Variants in CPNE1 observed in about 807,000 individuals in gnomAD.
CPNE1 encodes copine-1.
A neutral mutation model predicts 63.2 loss-of-function variants in CPNE1; 58 were observed. That is an observed-to-expected ratio of 0.92 (90% CI 0.74 to 1.14). The LOEUF (loss-of-function observed/expected upper bound fraction) is 1.14. CPNE1 is among the 50% of genes most tolerant of loss of function. The pLI, the probability that CPNE1 is intolerant of heterozygous loss-of-function variation, is 0.00. For missense variants in CPNE1, 672 were observed against 661.7 expected, an observed-to-expected ratio of 1.02 and a Z score of -0.17; for synonymous variants, 237 against 249.0, an observed-to-expected ratio of 0.95 and a Z score of 0.45.
chr20:35,658,932 G>C (rs2034073809), intron 1 of CPNE1: 1 of 716,058 alleles, frequency 1.4e-6, no homozygotes, highest in Admixed American at 2.0e-5. Context: ...TCTCTTACCT[G>C]ATAAAACAAG....
chr20:35,658,892 T>G, intron 1 of CPNE1: 1 of 710,198 alleles, frequency 1.4e-6, no homozygotes, highest in South Asian at 1.5e-5. Context: ...CTCATTTTAT[T>G]TTGTATAAAA....
chr20:35,661,480 G>C (rs771570059), intron 1 of CPNE1, among the ~76,000 whole-genome samples: 1 of 152,162 alleles, frequency 6.6e-6, no homozygotes. Flanking sequence ...TAGGAAAGGA[G>C]AAAATGGGCC....
chr20:35,656,404 G>A (rs1257727977), intron 1 of CPNE1, among the ~76,000 whole-genome samples: 1 of 152,178 alleles, frequency 6.6e-6, no homozygotes, highest in African/African-American at 2.4e-5. Context: ...AGGCTTCTAA[G>A]AGCAAATTCA....
intron 1 of CPNE1, among the ~76,000 whole-genome samples, chr20:35,657,821 G>A (rs1042477713): frequency 6.6e-6 from 1 of 152,140 alleles, no homozygotes; most frequent in Non-Finnish European, 1.5e-5. Context: ...AGCACTTTGG[G>A]AGGATGAGGT....
At chr20:35,650,947 T>C (rs1373668845) in intron 1 of CPNE1, 1 of 152,608 alleles carries the variant, frequency 6.6e-6, no homozygotes, top group Non-Finnish European at 1.5e-5. Context: ...AGGGGCCATG[T>C]AAAAGATAAA....
chr20:35,632,286 C>T (rs1363433018), intron 4 of CPNE1, 25 bp downstream of exon 4: 1 of 1,613,652 alleles, frequency 6.2e-7, no homozygotes. Flanking sequence ...TTAAGTCCCT[C>T]CTCAACCCTT....
chr20:35,653,699 C>A (rs2033703198), intron 1 of CPNE1: 17 of 1,614,194 alleles, frequency 1.1e-5, no homozygotes, highest in Non-Finnish European at 1.4e-5. Flanking sequence ...CAGACTTTGG[C>A]AGAGTTGACA....
intron 1 of CPNE1, chr20:35,653,013 C>T (rs765167801): frequency 5.2e-5 from 84 of 1,613,738 alleles, no homozygotes; most frequent in African/African-American, 4.1e-4. Flanking sequence ...CTCCAAAACC[C>T]GGAACATCCA....
intron 1 of CPNE1, chr20:35,651,502 A>G (rs1342754205): frequency 1.3e-5 from 2 of 152,254 alleles, no homozygotes; most frequent in African/African-American, 2.4e-5. Flanking sequence ...ACTACTGCTA[A>G]CAAAGATAAT....
chr20:35,657,458 A>T, intron 1 of CPNE1, among the ~76,000 whole-genome samples: 1 of 152,136 alleles, frequency 6.6e-6, no homozygotes, highest in East Asian at 1.9e-4. Flanking sequence ...AGGTACTCAA[A>T]ACAACTTGAG....
intron 13 of CPNE1, 75 bp downstream of exon 13, chr20:35,630,364 C>T (rs1036935076): frequency 5.4e-5 from 63 of 1,163,812 alleles, no homozygotes; most frequent in Non-Finnish European, 7.7e-5. Flanking sequence ...TCTGCCCCCA[C>T]TCTCCCTTTT....
chr20:35,654,870 G>A (rs1232263346), intron 1 of CPNE1: 3 of 1,614,184 alleles, frequency 1.9e-6, no homozygotes, highest in East Asian at 4.5e-5. Flanking sequence ...CGCTGGCTGT[G>A]GAAAATGTCT....
chr20:35,648,237 AAAGAT>A (rs1013438755), intron 1 of CPNE1, among the ~76,000 whole-genome samples: 3 of 152,184 alleles, frequency 2.0e-5, no homozygotes, highest in African/African-American at 7.2e-5. Flanking sequence ...TCTATACTAA[AAAGAT>A]AAGACTGAAA....
At chr20:35,659,419 G>C (rs193057717) in intron 1 of CPNE1, among the ~76,000 whole-genome samples, 2 of 152,242 alleles carry the variant, frequency 1.3e-5, no homozygotes, top group East Asian at 3.9e-4. Context: ...GCACAAGTTC[G>C]CACAATAACA....
At chr20:35,643,938 G>A (rs2032966867) in intron 1 of CPNE1, among the ~76,000 whole-genome samples, 1 of 152,166 alleles carries the variant, frequency 6.6e-6, no homozygotes, top group Admixed American at 6.5e-5. Flanking sequence ...AAGTCAGGGA[G>A]GGGCTGGGGA....
chr20:35,644,878 A>C (rs184046815), intron 1 of CPNE1, among the ~76,000 whole-genome samples: 117 of 152,316 alleles, frequency 7.7e-4, no homozygotes, highest in Middle Eastern at 6.8e-3. Context: ...CAAAGGAATA[A>C]ATTTTAAGTA....
At chr20:35,632,951 C>G in intron 1 of CPNE1, 28 bp from the exon 2 acceptor site, 2 of 859,956 alleles carry the variant, frequency 2.3e-6, no homozygotes, top group Non-Finnish European at 4.0e-6. Flanking sequence ...GGGTCAAGCA[C>G]CAGGGAGCCT....
chr20:35,657,847 G>A (rs140995225), intron 1 of CPNE1, among the ~76,000 whole-genome samples: 3,347 of 152,146 alleles, frequency 0.022, 125 homozygotes, highest in African/African-American at 0.077. Flanking sequence ...GATCACCCGA[G>A]GTCAGGAGTT....
intron 1 of CPNE1, among the ~76,000 whole-genome samples, chr20:35,641,470 C>T (rs2032803288): frequency 6.6e-6 from 1 of 152,202 alleles, no homozygotes; most frequent in African/African-American, 2.4e-5. Context: ...TACTACAACA[C>T]TAAATTGATG....
Sources: allele counts gnomAD v4.1 joint callset (sites outside exome capture counted in the v4.1 genomes callset), GRCh38; gene constraint gnomAD v4.1.1; transcripts MANE v1.5; gene names NCBI Gene and HGNC (gene_info 2026-07-23, HGNC 2026-07-21).